Variants in RGL1 observed in about 807,000 individuals in gnomAD.
RGL1 encodes the protein ral guanine nucleotide dissociation stimulator-like 1.
A neutral mutation model predicts 95.2 loss-of-function variants in RGL1; 24 were observed. The observed-to-expected ratio is 0.25, with a 90% CI of 0.18 to 0.35. The LOEUF is 0.35. RGL1 is among the 10% of genes least tolerant of loss of function. The pLI is 1.00. For synonymous variants in RGL1, 329 were observed against 344.9 expected, an observed-to-expected ratio of 0.95 and a Z score of 0.51; for missense variants, 715 against 936.3, an observed-to-expected ratio of 0.76 and a Z score of 3.08.
intron 3 of RGL1, 127 bp downstream of exon 3, chr1:183,847,901 G>A (rs1258222278): frequency 1.4e-6 from 1 of 692,042 alleles, no homozygotes. Context: ...AACGGGAAGG[G>A]ATGACCTTTG....
At chr1:183,921,101 C>T (rs1334156648) in intron 16 of RGL1, among the ~76,000 whole-genome samples, 2 of 152,168 alleles carry the variant, frequency 1.3e-5, no homozygotes, top group South Asian at 4.1e-4. Context: ...AGGTATGGTA[C>T]ATAATTTAGC....
intron 3 of RGL1, among the ~76,000 whole-genome samples, chr1:183,854,242 T>G (rs369005544): frequency 2.1e-4 from 32 of 152,186 alleles, no homozygotes; most frequent in African/African-American, 7.7e-4. Context: ...AGGTGATCAC[T>G]TAGATCATGG....
At chr1:183,849,039 T>A (rs1572499631) in intron 3 of RGL1, among the ~76,000 whole-genome samples, 1 of 152,182 alleles carries the variant, frequency 6.6e-6, no homozygotes, top group East Asian at 1.9e-4. Flanking sequence ...ATGATACAGA[T>A]AGCATCACAG....
At chr1:183,778,092 C>G (rs866267786) in intron 2 of RGL1, among the ~76,000 whole-genome samples, 5 of 152,122 alleles carry the variant, frequency 3.3e-5, no homozygotes, top group African/African-American at 1.2e-4. Flanking sequence ...ATCAGTAGTT[C>G]AAAGCAGGAT....
At chr1:183,880,916 A>C in intron 5 of RGL1, 116 bp downstream of exon 5, 3 of 860,428 alleles carry the variant, frequency 3.5e-6, no homozygotes, top group South Asian at 1.8e-5. Context: ...TCAAAACAAC[A>C]TGCTGCTGGA....
At chr1:183,872,830 CA>C (rs1666259886) in intron 4 of RGL1, among the ~76,000 whole-genome samples, 1 of 151,808 alleles carries the variant, frequency 6.6e-6, no homozygotes, top group Non-Finnish European at 1.5e-5. Context: ...GTGATTATAA[CA>C]AAAATGGGGA....
intron 2 of RGL1, among the ~76,000 whole-genome samples, chr1:183,841,430 C>T (rs1275939496): frequency 6.6e-6 from 1 of 152,130 alleles, no homozygotes; most frequent in African/African-American, 2.4e-5. Context: ...ACTTCCCACC[C>T]AATATTAGGT....
intron 3 of RGL1, among the ~76,000 whole-genome samples, chr1:183,861,504 T>A (rs1470783521): frequency 2.0e-5 from 3 of 152,252 alleles, no homozygotes; most frequent in Non-Finnish European, 4.4e-5. Context: ...CAGTTAAACA[T>A]TGTACTGGTT....
chr1:183,859,371 C>G (rs1314505015), intron 3 of RGL1, among the ~76,000 whole-genome samples: 1 of 152,150 alleles, frequency 6.6e-6, no homozygotes, highest in African/African-American at 2.4e-5. Flanking sequence ...CAGGAGAGAA[C>G]TTTTTTTCTT....
chr1:183,857,009 T>C (rs555993426), intron 3 of RGL1, among the ~76,000 whole-genome samples: 3 of 152,300 alleles, frequency 2.0e-5, no homozygotes, highest in African/African-American at 7.2e-5. Context: ...TGTTAGGTTA[T>C]ATGCAAAGGG....
intron 2 of RGL1, among the ~76,000 whole-genome samples, chr1:183,772,750 C>T (rs191241425): frequency 3.3e-5 from 5 of 152,110 alleles, no homozygotes; most frequent in African/African-American, 9.6e-5. Flanking sequence ...TGGCTCACGC[C>T]TGTAATCCCA....
In RGL1 at chr1:183,872,342, G is replaced by A. The variant is rs926497668; in HGVS notation, c.425+6269G>A. Among the ~76,000 whole-genome samples, 163 of 152,132 alleles carry A rather than the reference G, an allele frequency of 1.1e-3. 2 individuals are homozygous for A. The highest frequency in any genetic ancestry group is 0.01 in the Admixed American group (160 of 15,288). On this transcript the variant is annotated intron_variant, in intron 4 of 17. Coordinates refer to ENST00000360851, the MANE Select transcript of RGL1 (RefSeq NM_001297671.3). Reference sequence around the variant, plus strand: ...CTCTCTATATATAACTTTATTTAAAGAGATTTAAAACTCCTCAAGAAATGA... The same window carrying A: ...CTCTCTATATATAACTTTATTTAAAAAGATTTAAAACTCCTCAAGAAATGA...
In RGL1 at chr1:183,691,578, C is replaced by T. The variant is rs569210306; in HGVS notation, c.-32-50548C>T. On this transcript the variant is annotated intron_variant, in intron 1 of 18. Transcript: ENST00000304685. ...AAAAAAGTTGTTAAGTTTATGCAAA[C>T]GAATAATACAAAAGGGATTTTCCCA... is the stretch of plus-strand genomic sequence containing the variant. Among the ~76,000 whole-genome samples, 6 of 152,056 alleles carry T rather than the reference C, an allele frequency of 3.9e-5. No individual in the cohort carries two copies. The South Asian group carries it at 6.2e-4, about 16-fold the overall frequency.
At chr1:183,752,764 T>C (rs1452443762) in intron 2 of RGL1, among the ~76,000 whole-genome samples, 2 of 149,814 alleles carry the variant, frequency 1.3e-5, no homozygotes, top group African/African-American at 2.5e-5. Context: ...CTCAGAGTGA[T>C]AGTTTAGATG....
chr1:183,713,964 G>A (rs1057323478), intron 1 of RGL1, among the ~76,000 whole-genome samples: 1 of 152,110 alleles, frequency 6.6e-6, no homozygotes, highest in Admixed American at 6.6e-5. Context: ...CTCCTATTAG[G>A]AGTGATCTCT....
chr1:183,765,176 G>T (rs1266178959), intron 2 of RGL1, among the ~76,000 whole-genome samples: 1 of 152,188 alleles, frequency 6.6e-6, no homozygotes, highest in Non-Finnish European at 1.5e-5. Context: ...TTTCTAAGGG[G>T]TTCTCATTGG....
intron 1 of RGL1, among the ~76,000 whole-genome samples, chr1:183,661,391 A>G (rs1340517580): frequency 6.6e-6 from 1 of 152,236 alleles, no homozygotes; most frequent in East Asian, 1.9e-4. Context: ...CACCAATCCC[A>G]CAGAAATGCA....
At chr1:183,863,942 G>T (rs1159590932) in intron 3 of RGL1, among the ~76,000 whole-genome samples, 1 of 152,186 alleles carries the variant, frequency 6.6e-6, no homozygotes, top group Non-Finnish European at 1.5e-5. Context: ...TAATGAGAGA[G>T]AACTTGGCTC....
chr1:183,897,548 C>CA (rs756374573), intron 9 of RGL1, among the ~76,000 whole-genome samples: 2,608 of 103,726 alleles, frequency 0.025, 68 homozygotes, highest in African/African-American at 0.077. Flanking sequence ...GACTTCGTCT[C>CA]AAAAAAAAAA....
Sources: gnomAD v4.1 joint callset for allele counts (sites outside exome capture counted in the v4.1 genomes callset) on GRCh38, gnomAD v4.1.1 for gene constraint, MANE v1.5 for transcripts, NCBI Gene and HGNC (gene_info 2026-07-23, HGNC 2026-07-21) for gene names.